BNC2: variants seen among roughly 807,000 people sequenced by gnomAD.
The protein encoded by BNC2 is zinc finger protein basonuclin-2.
In BNC2, 20 loss-of-function variants were observed where a neutral mutation model predicts 76.3. That is an observed-to-expected ratio of 0.26 (90% CI 0.18 to 0.38). The LOEUF (loss-of-function observed/expected upper bound fraction) is 0.38. Among genes scored for constraint, BNC2 ranks in the 10% least tolerant of loss-of-function variants. The probability of loss-of-function intolerance (pLI) is 1.00; values close to 1 mark genes in which losing one functional copy is unlikely to be tolerated. For missense variants in BNC2, 1,382 were observed against 1,399.8 expected, an observed-to-expected ratio of 0.99 and a Z score of 0.20; for synonymous variants, 582 against 514.8, an observed-to-expected ratio of 1.13 and a Z score of -1.77.
rs532424448 is a variant in BNC2, at chr9:16,618,130, A to G, written c.331-35045T>C. Reference sequence around the variant, plus strand: ...TCAATAATCCCTGATCCCATACCCAATGGAACGCCAGCTACCCTCTCAGTG... The same window carrying G: ...TCAATAATCCCTGATCCCATACCCAGTGGAACGCCAGCTACCCTCTCAGTG... On this transcript the variant is annotated intron_variant, in intron 3 of 6. Transcript: ENST00000380672. Among the ~76,000 whole-genome samples, 552 of 152,240 alleles carry G rather than the reference A, an allele frequency of 3.6e-3. 3 individuals are homozygous for G. Among genetic ancestry groups the G allele is most frequent in the African/African-American group, 0.012 (508 of 41,552 alleles).
At chr9:16,849,742 C>T (rs1819082084) in intron 1 of BNC2, among the ~76,000 whole-genome samples, 1 of 152,028 alleles carries the variant, frequency 6.6e-6, no homozygotes, top group Non-Finnish European at 1.5e-5. Context: ...TTTTCCAAAG[C>T]ACTAATGCTT....
intron 1 of BNC2, among the ~76,000 whole-genome samples, chr9:16,790,651 T>G (rs1817479776): frequency 6.6e-6 from 1 of 152,162 alleles, no homozygotes; most frequent in Non-Finnish European, 1.5e-5. Flanking sequence ...AGAGTTCCTC[T>G]CATATGATTT....
chr9:16,772,848 C>T (rs1010507410), intron 1 of BNC2, among the ~76,000 whole-genome samples: 1 of 152,134 alleles, frequency 6.6e-6, no homozygotes, highest in Non-Finnish European at 1.5e-5. Context: ...TCTATGAAGA[C>T]TGATTCTTTT....
Position 16,636,144 on chromosome 9 carries a change from G to T in BNC2, c.331-53059C>A, listed in dbSNP as rs145546832. Among the ~76,000 whole-genome samples the T allele has an allele frequency of 1.2e-3, 177 of 152,148 alleles. 1 individual carries two copies. Among genetic ancestry groups the T allele is most frequent in the Admixed American group, 2.8e-3 (43 of 15,278 alleles). On this transcript the variant is annotated intron_variant, in intron 3 of 6. Transcript: ENST00000380672. ...GACTGTTAAGATGAGTGAACCAGCA[G>T]ACACTCAAAGGCTAAAATGTGAAAT...
chr9:16,836,967 T>C (rs1367090811), intron 1 of BNC2, among the ~76,000 whole-genome samples: 2 of 152,128 alleles, frequency 1.3e-5, no homozygotes, highest in African/African-American at 2.4e-5. Flanking sequence ...GTTCAACATA[T>C]GTTACAATAT....
At chr9:16,845,258 C>A (rs1021959852) in intron 1 of BNC2, among the ~76,000 whole-genome samples, 4 of 152,070 alleles carry the variant, frequency 2.6e-5, no homozygotes. Context: ...CATAAAAATT[C>A]TAAGAGAAAT....
intron 3 of BNC2, among the ~76,000 whole-genome samples, chr9:16,684,098 T>C (rs563325821): frequency 1.0e-3 from 154 of 152,236 alleles, no homozygotes; most frequent in African/African-American, 3.4e-3. Flanking sequence ...TTTTTTCCAG[T>C]TTTATTTTAC....
chr9:16,765,360 T>C (rs971995689), intron 1 of BNC2, among the ~76,000 whole-genome samples: 1 of 152,156 alleles, frequency 6.6e-6, no homozygotes, highest in Non-Finnish European at 1.5e-5. Context: ...AAGATCTATT[T>C]TGGAGAAGCA....
intron 1 of BNC2, among the ~76,000 whole-genome samples, chr9:16,794,348 T>G (rs1426535555): frequency 6.6e-6 from 1 of 152,216 alleles, no homozygotes; most frequent in African/African-American, 2.4e-5. Flanking sequence ...TTATCATGAC[T>G]GAGCTTTTTT....
intron 1 of BNC2, among the ~76,000 whole-genome samples, chr9:16,765,112 T>A (rs999706046): frequency 6.6e-6 from 1 of 152,198 alleles, no homozygotes; most frequent in Non-Finnish European, 1.5e-5. Context: ...ACGTTTGTAC[T>A]ATCCACACTC....
chr9:16,524,378 G>C (rs911973518), intron 5 of BNC2, among the ~76,000 whole-genome samples: 1 of 152,134 alleles, frequency 6.6e-6, no homozygotes, highest in Admixed American at 6.5e-5. Context: ...TAGGTGGTAA[G>C]GAGACGCCAG....
At chr9:16,802,827 G>A (rs769459065) in intron 1 of BNC2, among the ~76,000 whole-genome samples, 1 of 152,208 alleles carries the variant, frequency 6.6e-6, no homozygotes, top group Non-Finnish European at 1.5e-5. Flanking sequence ...AATAGGCAAA[G>A]CAAGTATGAT....
At chr9:16,469,303 AC>A (rs1174725945) in intron 5 of BNC2, among the ~76,000 whole-genome samples, 2 of 152,120 alleles carry the variant, frequency 1.3e-5, no homozygotes, top group African/African-American at 4.8e-5. Flanking sequence ...TGTAGGAAGG[AC>A]CCGGGGGAGG....
At chr9:16,780,666 G>T (rs1289953805) in intron 1 of BNC2, among the ~76,000 whole-genome samples, 1 of 151,982 alleles carries the variant, frequency 6.6e-6, no homozygotes. Flanking sequence ...AACACTTATT[G>T]GTTATCTATG....
intron 1 of BNC2, among the ~76,000 whole-genome samples, chr9:16,810,927 CAG>C (rs1818032171): frequency 6.6e-6 from 1 of 152,134 alleles, no homozygotes; most frequent in Admixed American, 6.5e-5. Flanking sequence ...TCTTTTAAAA[CAG>C]TGTACAGGGG....
chr9:16,607,631 T>C (rs78228929), intron 3 of BNC2, among the ~76,000 whole-genome samples: 112 of 152,360 alleles, frequency 7.4e-4, no homozygotes, highest in Non-Finnish European at 1.3e-3. Flanking sequence ...ACAACTCTAC[T>C]TGAACATAGC....
At position 16,823,427 on chromosome 9, in the gene BNC2, C is replaced by CAA. The variant is rs34451487; in HGVS notation, c.3+47217_3+47218dup. 5.3e-3 allele frequency among the ~76,000 whole-genome samples: 603 copies of CAA among 113,008 alleles called. 5 individuals carry two copies. The highest frequency in any genetic ancestry group is 7.1e-3 in the East Asian group (29 of 4,090). 74.1% of individuals were successfully genotyped at this position (113,008 alleles called of 152,430 possible). On this transcript the variant is annotated intron_variant, in intron 1 of 6. Coordinates refer to ENST00000380672, the MANE Select transcript of BNC2 (RefSeq NM_017637.6). ...GTAACATAGTGAGATCCTGTCTCTA[C>CAA]AAAAAAAAAAAAAAAAAATTAAAAA...
At chr9:16,614,655 T>TG (rs1820644758) in intron 3 of BNC2, among the ~76,000 whole-genome samples, 2 of 150,976 alleles carry the variant, frequency 1.3e-5, no homozygotes, top group South Asian at 2.1e-4. Flanking sequence ...TGCATGAAGT[T>TG]AAAAAAAATG....
At chr9:16,601,387 C>A (rs1161825569) in intron 3 of BNC2, among the ~76,000 whole-genome samples, 1 of 152,194 alleles carries the variant, frequency 6.6e-6, no homozygotes, top group African/African-American at 2.4e-5. Context: ...GGGAACTGTG[C>A]TGAGATCTAA....
Sources: allele counts gnomAD v4.1 joint callset (sites outside exome capture counted in the v4.1 genomes callset), GRCh38; gene constraint gnomAD v4.1.1; transcripts MANE v1.5; gene names NCBI Gene and HGNC (gene_info 2026-07-23, HGNC 2026-07-21).